Variants in LIPN observed in about 807,000 individuals in gnomAD.
LIPN encodes the protein lipase member N.
A neutral mutation model predicts 43.7 loss-of-function variants in LIPN; 32 were observed. The observed-to-expected ratio is 0.73, with a 90% CI of 0.55 to 0.98. The LOEUF is 0.98. Among genes scored for constraint, LIPN ranks in the 50% least tolerant of loss-of-function variants. The probability of loss-of-function intolerance (pLI) is 0.00; values close to 1 mark genes in which losing one functional copy is unlikely to be tolerated. For missense variants in LIPN, 505 were observed against 483.8 expected, an observed-to-expected ratio of 1.04 and a Z score of -0.41; for synonymous variants, 156 against 157.6, an observed-to-expected ratio of 0.99 and a Z score of 0.08.
chr10:88,778,303 A>T lies in LIPN; in HGVS notation c.*61A>T, dbSNP rs1383257432. On this transcript the variant is annotated 3_prime_UTR_variant, in exon 10 of 10. Coordinates refer to ENST00000404459, the MANE Select transcript of LIPN (RefSeq NM_001102469.2). ...CCAAGCCCATAAGGGACTTTAGAAA[A>T]AATAGTAACCAACAATGAGGTTGTC... 7.9e-7 allele frequency: 1 copy of T among 1,263,042 alleles called. No individual in the cohort carries two copies. Among genetic ancestry groups the T allele is most frequent in the African/African-American group, 1.5e-5 (1 of 67,070 alleles). 78.2% of individuals were successfully genotyped at this position (1,263,042 alleles called of 1,614,324 possible). A position where few individuals can be genotyped will look rare whatever the true frequency, so the allele number is the denominator to read the frequency against.
intron 7 of LIPN, 79 bp downstream of exon 7, chr10:88,771,070 T>A (rs1005321102): frequency 3.7e-5 from 45 of 1,232,064 alleles, no homozygotes; most frequent in Admixed American, 2.0e-4. Context: ...TATATCTATT[T>A]ACTGTATAAA....
At chr10:88,763,895 T>C (rs1843044018) in intron 3 of LIPN, among the ~76,000 whole-genome samples, 1 of 152,006 alleles carries the variant, frequency 6.6e-6, no homozygotes, top group Non-Finnish European at 1.5e-5. Flanking sequence ...CTGGAAGAGC[T>C]ATAGGACTTG....
chr10:88,766,232 T>G (rs780851540), intron 4 of LIPN, 37 bp from the exon 5 acceptor site: 2 of 999,160 alleles, frequency 2.0e-6, no homozygotes, highest in African/African-American at 1.6e-5. Context: ...AACTTAAACT[T>G]GCAAGTATTT....
In LIPN at chr10:88,764,515, GT is replaced by G. The variant is rs1843057563; in HGVS notation, c.334del (p.Tyr112MetfsTer43). On this transcript the variant is annotated frameshift_variant, in exon 4 of 10. Coordinates refer to ENST00000404459, the MANE Select transcript of LIPN (RefSeq NM_001102469.2). LOFTEE classifies it high-confidence loss of function. ...GSLGFLLADA[G>X]YDVWMGNSRG... Reference sequence around the variant, plus strand: ...CTTGGATTCCTTCTAGCAGATGCAGGTTATGATGTATGGATGGGAAACAGTC... The same window carrying G: ...CTTGGATTCCTTCTAGCAGATGCAGGTATGATGTATGGATGGGAAACAGTC... 6.2e-7 allele frequency: 1 copy of G among 1,612,116 alleles called. No individual in the cohort carries two copies. Among genetic ancestry groups the G allele is most frequent in the South Asian group, 1.1e-5 (1 of 90,996 alleles).
At chr10:88,775,525 AT>A (rs898966391) in intron 9 of LIPN, among the ~76,000 whole-genome samples, 5 of 151,992 alleles carry the variant, frequency 3.3e-5, no homozygotes, top group African/African-American at 9.7e-5. Context: ...TTTTAAATGC[AT>A]TTTTAATGGC....
At chr10:88,772,593 A>T (rs890732995) in intron 7 of LIPN, among the ~76,000 whole-genome samples, 2 of 151,804 alleles carry the variant, frequency 1.3e-5, no homozygotes, top group African/African-American at 4.8e-5. Flanking sequence ...TGGGTTCTTT[A>T]TTCTGTTCCA....
intron 7 of LIPN, among the ~76,000 whole-genome samples, chr10:88,772,125 T>C (rs983063603): frequency 2.0e-5 from 3 of 151,670 alleles, no homozygotes; most frequent in African/African-American, 7.3e-5. Flanking sequence ...TGCAATTGAG[T>C]TATATGACCT....
At chr10:88,758,180 G>C (rs303460), upstream of LIPN, among the ~76,000 whole-genome samples, 833 of 151,826 alleles carry the variant, frequency 5.5e-3, 8 homozygotes, top group Middle Eastern at 0.024. Context: ...ATTTTTACAG[G>C]TAGATCCCAA....
At chr10:88,766,024 A>G (rs1018188340) in intron 4 of LIPN, among the ~76,000 whole-genome samples, 2 of 151,970 alleles carry the variant, frequency 1.3e-5, no homozygotes, top group South Asian at 2.1e-4. Flanking sequence ...AGGAGGGATC[A>G]TAAGGTTGAA....
intron 3 of LIPN, among the ~76,000 whole-genome samples, chr10:88,762,723 G>C (rs1843023135): frequency 6.6e-6 from 1 of 152,048 alleles, no homozygotes; most frequent in South Asian, 2.1e-4. Context: ...CTAAAATTAA[G>C]GGGCCTCCCT....
chr10:88,773,193 C>T (rs1843239735), intron 7 of LIPN, among the ~76,000 whole-genome samples: 1 of 151,560 alleles, frequency 6.6e-6, no homozygotes, highest in Admixed American at 6.6e-5. Context: ...GTCTGCTATA[C>T]ATAGAAGATT....
chr10:88,765,769 C>T lies in LIPN; in HGVS notation c.426-500C>T, dbSNP rs7917669. 8.0e-3 allele frequency among the ~76,000 whole-genome samples: 1,209 copies of T among 151,996 alleles called. 10 individuals carry two copies. Among genetic ancestry groups the T allele is most frequent in the African/African-American group, 0.024 (988 of 41,484 alleles). On this transcript the variant is annotated intron_variant, in intron 4 of 9. Coordinates refer to ENST00000404459, the MANE Select transcript of LIPN (RefSeq NM_001102469.2). ...TACTATTAAACCCCGTTAGCAGCCC[C>T]GTAAACCAGGTACTACCCTGTTTAT...
At chr10:88,761,762 TG>T (rs1277622462) in intron 2 of LIPN, among the ~76,000 whole-genome samples, 1,972 of 71,588 alleles carry the variant, frequency 0.028, 29 homozygotes, top group African/African-American at 0.1. Context: ...TATCTATCTA[TG>T]TATCTATCTA....
At chr10:88,761,816 T>C (rs933115472) in intron 2 of LIPN, among the ~76,000 whole-genome samples, 4 of 151,870 alleles carry the variant, frequency 2.6e-5, no homozygotes, top group African/African-American at 9.7e-5. Context: ...TAGAACCTCC[T>C]CTTTTGAATT....
At position 88,768,862 on chromosome 10, in the gene LIPN, G is replaced by T. The variant is rs767490963; in HGVS notation, c.606G>T (p.Thr202=). 2.5e-6 allele frequency: 4 copies of T among 1,611,228 alleles called. 1 individual carries two copies. Among genetic ancestry groups the T allele is most frequent in the Non-Finnish European group, 3.4e-6 (4 of 1,178,292 alleles). The change falls in exon 6 of 10, where the codon ACG becomes ACT. Residue 202 remains threonine (T), a synonymous_variant. Coordinates refer to ENST00000404459, the MANE Select transcript of LIPN (RefSeq NM_001102469.2). Reference sequence around the variant, plus strand: ...AAATGAATTTTGCCTTGGGTCCTACGATCTCATTCAAATATCCCACGGGCA... The same window carrying T: ...AAATGAATTTTGCCTTGGGTCCTACTATCTCATTCAAATATCCCACGGGCA... The part of the protein sequence containing the change: ...RIKMNFALGP[T]ISFKYPTGIF...
Position 88,761,529 on chromosome 10 carries a change from CT to C in LIPN, c.108+17del, listed in dbSNP as rs748630472. 17 of 1,530,356 alleles carry C rather than the reference CT, an allele frequency of 1.1e-5. 1 individual carries two copies. The South Asian group carries it at 1.9e-4, about 17-fold the overall frequency. The allele number at this position is 1,530,356 out of a possible 1,614,324, so 94.8% of individuals were successfully genotyped here. Reference sequence around the variant, plus strand: ...GATGAATACTGTAAGTCATGGAAAACTGTGAAGAACATCAAATAAAGCAGGA... The same window carrying C: ...GATGAATACTGTAAGTCATGGAAAACGTGAAGAACATCAAATAAAGCAGGA... On this transcript the variant is annotated intron_variant, in intron 2 of 9. Transcript: ENST00000404459.
intron 6 of LIPN, chr10:88,769,596 T>G: frequency 1.0e-6 from 1 of 984,520 alleles, no homozygotes; most frequent in Non-Finnish European, 1.2e-6. Context: ...AATTCCAGAT[T>G]GGCCTTTGAA....
chr10:88,770,291 G>C (rs1486694846), intron 6 of LIPN, among the ~76,000 whole-genome samples: 2 of 151,810 alleles, frequency 1.3e-5, no homozygotes, highest in Non-Finnish European at 2.9e-5. Flanking sequence ...CTACTTTTCA[G>C]CCTGAGAGCT....
In LIPN at chr10:88,770,827, T is replaced by C; in HGVS notation, c.673-18T>C. 7.2e-7 allele frequency: 1 copy of C among 1,393,500 alleles called. No homozygotes were observed. Among genetic ancestry groups the C allele is most frequent in the Non-Finnish European group, 9.8e-7 (1 of 1,017,676 alleles). The allele number at this position is 1,393,500 out of a possible 1,614,324, so 86.3% of individuals were successfully genotyped here. On this transcript the variant is annotated intron_variant, in intron 6 of 9. Transcript: ENST00000404459. Reference sequence around the variant, plus strand: ...ATATTTTATCTCATTCAAAGATAATTATTATTTACTTTCATAGGCTGTTTT... The same window carrying C: ...ATATTTTATCTCATTCAAAGATAATCATTATTTACTTTCATAGGCTGTTTT...
Sources: allele counts gnomAD v4.1 joint callset (sites outside exome capture counted in the v4.1 genomes callset), GRCh38; gene constraint gnomAD v4.1.1; transcripts MANE v1.5; gene names NCBI Gene and HGNC (gene_info 2026-07-23, HGNC 2026-07-21).